NFATC3: variants seen among roughly 807,000 people sequenced by gnomAD.
NFATC3 encodes the protein nuclear factor of activated T-cells, cytoplasmic 3.
A neutral mutation model predicts 98.6 loss-of-function variants in NFATC3; 46 were observed. The ratio of observed to expected loss-of-function variants is 0.47; its 90% CI spans 0.37 to 0.60. The LOEUF is 0.60. Among genes scored for constraint, NFATC3 ranks in the 20% least tolerant of loss-of-function variants. The probability of loss-of-function intolerance (pLI) is 0.00; values close to 1 mark genes in which losing one functional copy is unlikely to be tolerated. For missense variants in NFATC3, 1,256 were observed against 1,295.5 expected (o/e 0.97, Z 0.47); for synonymous variants, 512 against 472.2 (o/e 1.08, Z -1.09).
intron 1 of NFATC3, among the ~76,000 whole-genome samples, chr16:68,099,431 C>CTTGT (rs2035220490): frequency 6.7e-6 from 1 of 149,796 alleles, no homozygotes; most frequent in African/African-American, 2.5e-5. Flanking sequence ...CGAGACCCCA[C>CTTGT]CTCAAAAAAA....
At chr16:68,103,244 C>G (rs2035468699) in intron 1 of NFATC3, among the ~76,000 whole-genome samples, 1 of 151,124 alleles carries the variant, frequency 6.6e-6, no homozygotes, top group South Asian at 2.1e-4. Context: ...ACTCTGTTGC[C>G]CAGGCTGGAA....
At position 68,104,653 on chromosome 16, in the gene NFATC3, GTTTTT is replaced by G. The variant is rs778016298; in HGVS notation, c.104-17322_104-17318del. Among the ~76,000 whole-genome samples, 162 of 126,696 alleles carry G rather than the reference GTTTTT, an allele frequency of 1.3e-3. 2 individuals are homozygous for G. The Middle Eastern group carries it at 0.013, about 10-fold the overall frequency. The allele number at this position is 126,696 out of a possible 152,430, so 83.1% of individuals were successfully genotyped here. ...GTTAGCTGTGGGCTTTTCACAAATG[GTTTTT>G]TTTTTTTTTTTGAAATGGAGTCTGG... On this transcript the variant is annotated intron_variant, in intron 1 of 9. Transcript: ENST00000346183.
intron 4 of NFATC3, among the ~76,000 whole-genome samples, chr16:68,165,037 T>C (rs1416804855): frequency 6.6e-6 from 1 of 152,252 alleles, no homozygotes; most frequent in Non-Finnish European, 1.5e-5. Flanking sequence ...TTTCTGGTAC[T>C]GTTATTTCAC....
chr16:68,176,856 A>G (rs910592894), intron 6 of NFATC3, among the ~76,000 whole-genome samples: 1 of 152,072 alleles, frequency 6.6e-6, no homozygotes, highest in Non-Finnish European at 1.5e-5. Context: ...GAGTACTCTC[A>G]TGTTCCCTTG....
intron 3 of NFATC3, 21 bp from the exon 4 acceptor site, chr16:68,157,848 G>A (rs986342072): frequency 6.3e-7 from 1 of 1,598,482 alleles, no homozygotes; most frequent in Non-Finnish European, 8.6e-7. Flanking sequence ...GTGCTTTTCT[G>A]TGTTTCTTTT....
At chr16:68,155,159 A>G (rs2038539844) in intron 3 of NFATC3, among the ~76,000 whole-genome samples, 1 of 152,214 alleles carries the variant, frequency 6.6e-6, no homozygotes. Context: ...TTCGCTGGTT[A>G]CAAGTTCCAC....
intron 9 of NFATC3, among the ~76,000 whole-genome samples, chr16:68,202,915 A>G (rs868348862): frequency 1.5e-4 from 23 of 152,330 alleles, no homozygotes; most frequent in African/African-American, 4.1e-4. Context: ...TATAATCACT[A>G]TGGGCACTGG....
chr16:68,120,839 T>C (rs983907370), intron 1 of NFATC3, among the ~76,000 whole-genome samples: 2 of 152,198 alleles, frequency 1.3e-5, no homozygotes, highest in Admixed American at 6.5e-5. Context: ...CAGGTTGTTA[T>C]GTTGGATAAT....
intron 3 of NFATC3, among the ~76,000 whole-genome samples, chr16:68,152,295 C>T (rs1567522438): frequency 6.8e-6 from 1 of 147,856 alleles, no homozygotes; most frequent in Non-Finnish European, 1.5e-5. Context: ...AGGAGAATCG[C>T]TTGAACTGGG....
chr16:68,160,983 C>T lies in NFATC3; in HGVS notation c.1601+2915C>T, dbSNP rs370042823. On this transcript the variant is annotated intron_variant, in intron 4 of 9. Transcript: ENST00000346183. ...TACATCTAGATGTGAGCCACTGCAA[C>T]GGCCTTAAACATTTGTGTTCTATAA... Among the ~76,000 whole-genome samples the T allele has an allele frequency of 6.0e-4, 91 of 152,270 alleles. 1 individual carries two copies. The highest frequency in any genetic ancestry group is 2.0e-3 in the African/African-American group (85 of 41,558).
intron 1 of NFATC3, among the ~76,000 whole-genome samples, chr16:68,118,775 A>G (rs1297351897): frequency 6.6e-6 from 1 of 152,222 alleles, no homozygotes; most frequent in Non-Finnish European, 1.5e-5. Flanking sequence ...TGTACAAAGT[A>G]GAAGTTTTGG....
At chr16:68,137,995 C>CT (rs2037531439) in intron 3 of NFATC3, among the ~76,000 whole-genome samples, 1 of 151,988 alleles carries the variant, frequency 6.6e-6, no homozygotes, top group South Asian at 2.1e-4. Context: ...AAAGCCTAGT[C>CT]TTTGACTTAA....
intron 1 of NFATC3, among the ~76,000 whole-genome samples, chr16:68,087,397 G>A (rs189304969): frequency 6.6e-6 from 1 of 152,018 alleles, no homozygotes; most frequent in Non-Finnish European, 1.5e-5. Flanking sequence ...TTTACCATAC[G>A]CAAAAGCCAT....
At chr16:68,186,357 G>T (rs1456423152) in intron 8 of NFATC3, among the ~76,000 whole-genome samples, 1 of 152,062 alleles carries the variant, frequency 6.6e-6, no homozygotes, top group African/African-American at 2.4e-5. Flanking sequence ...CTAACATGGG[G>T]TGAAACCCTG....
At chr16:68,096,847 A>AT in intron 1 of NFATC3, among the ~76,000 whole-genome samples, 1 of 152,328 alleles carries the variant, frequency 6.6e-6, no homozygotes, top group South Asian at 2.1e-4. Context: ...GGGACAGACT[A>AT]TTATACTGTA....
intron 1 of NFATC3, chr16:68,088,579 G>A (rs1303425173): frequency 1.3e-5 from 2 of 150,202 alleles, no homozygotes; most frequent in African/African-American, 2.4e-5. Context: ...TGTCGCCCAG[G>A]CTGGGATGCA....
chr16:68,088,388 A>G (rs2034507920), intron 1 of NFATC3, among the ~76,000 whole-genome samples: 1 of 146,920 alleles, frequency 6.8e-6, no homozygotes, highest in Non-Finnish European at 1.5e-5. Context: ...TATAATGTAT[A>G]TTTCATATAT....
chr16:68,191,146 A>T lies in NFATC3; in HGVS notation c.2477A>T (p.Glu826Val), dbSNP rs750274710. The T allele has an allele frequency of 1.1e-4, 175 of 1,614,056 alleles. 1 individual carries two copies. Among genetic ancestry groups the T allele is most frequent in the Admixed American group, 1.7e-4 (10 of 59,992 alleles). ...CCTATTAATGCTGCCTCTAGTCAAGAATTTGATTCAGTTTTGTTTCAGCAG... is the reference window on the plus strand; with the variant it reads ...CCTATTAATGCTGCCTCTAGTCAAGTATTTGATTCAGTTTTGTTTCAGCAG... ...CLPINAASSQ[E>V]FDSVLFQQDA... The change falls in exon 9 of 10, where the codon GAA becomes GTA. Residue 826 changes from glutamate (E) to valine (V), a missense_variant. Glu to Val is a moderately radical substitution (Grantham distance 121, BLOSUM62 -2). This residue lies in a region of NFATC3 where 636 missense variants were observed against 617.3 expected (regional missense o/e 1.03). Coordinates refer to ENST00000346183, the MANE Select transcript of NFATC3 (RefSeq NM_173165.3).
intron 9 of NFATC3, among the ~76,000 whole-genome samples, chr16:68,193,873 G>C (rs1598560001): frequency 6.6e-6 from 1 of 151,850 alleles, no homozygotes; most frequent in Non-Finnish European, 1.5e-5. Context: ...TAGAGAAGAA[G>C]GGTATGTTTG....
Sources: gnomAD v4.1 joint callset for allele counts (sites outside exome capture counted in the v4.1 genomes callset) on GRCh38, gnomAD v4.1.1 for gene constraint, gnomAD v4.1.1 regional missense constraint, MANE v1.5 for transcripts, NCBI Gene and HGNC (gene_info 2026-07-23, HGNC 2026-07-21) for gene names.